Variants in PLD5 observed in about 807,000 individuals in gnomAD.
The protein encoded by PLD5 is phospholipase D family member 5, also known as inactive phospholipase D5.
Under a neutral mutation model 61.1 loss-of-function variants are expected in PLD5, and 36 were observed. The ratio of observed to expected loss-of-function variants is 0.59; its 90% CI spans 0.45 to 0.78. The LOEUF is 0.78. Among genes scored for constraint, PLD5 ranks in the 30% least tolerant of loss-of-function variants. The pLI, the probability that PLD5 is intolerant of heterozygous loss-of-function variation, is 0.00. For synonymous variants in PLD5, 243 were observed against 242.8 expected (o/e 1.00, Z -0.01); for missense variants, 515 against 644.4 (o/e 0.80, Z 2.17).
chr1:242,212,840 G>GCCAC (rs1159557132), intron 5 of PLD5, among the ~76,000 whole-genome samples: 1 of 152,132 alleles, frequency 6.6e-6, no homozygotes, highest in Non-Finnish European at 1.5e-5. Flanking sequence ...TCTGATAATG[G>GCCAC]CCACCGTTAT....
chr1:242,109,778 A>G (rs1428309924), intron 7 of PLD5, among the ~76,000 whole-genome samples: 1 of 151,898 alleles, frequency 6.6e-6, no homozygotes, highest in Non-Finnish European at 1.5e-5. Flanking sequence ...ATCTCCTCCA[A>G]TGGGCTTCTT....
chr1:242,395,384 TAC>T (rs1248699485), intron 1 of PLD5, among the ~76,000 whole-genome samples: 7 of 152,090 alleles, frequency 4.6e-5, no homozygotes, highest in Non-Finnish European at 8.8e-5. Flanking sequence ...ACCTGCTAAC[TAC>T]AGTTTGGCTA....
At position 242,278,095 on chromosome 1, in the gene PLD5, T is replaced by G. The variant is rs1377092602; in HGVS notation, c.495+10267A>C. Among the ~76,000 whole-genome samples the G allele has an allele frequency of 2.0e-5, 3 of 152,268 alleles. No individual in the cohort carries two copies. In the East Asian group the frequency reaches 5.8e-4, roughly 29 times the overall value. On this transcript the variant is annotated intron_variant, in intron 3 of 9. Transcript: ENST00000536534. ...AAAAACTTTTTTTGTTGGCGGCCAT[T>G]TGGAGGATTTGGTTTCTCTCTCATT... is the stretch of plus-strand genomic sequence containing the variant.
chr1:242,167,024 G>A (rs1666349445), intron 5 of PLD5, among the ~76,000 whole-genome samples: 1 of 150,422 alleles, frequency 6.6e-6, no homozygotes, highest in African/African-American at 2.4e-5. Flanking sequence ...CTACTATAAA[G>A]TCATAGTCAC....
Position 242,085,017 on chromosome 1 carries a change from C to A in PLD5, c.*4837G>T, listed in dbSNP as rs368417770. The A allele has an allele frequency of 2.6e-5, 4 of 151,898 alleles. No individual in the cohort carries two copies. Among genetic ancestry groups the A allele is most frequent in the Non-Finnish European group, 4.4e-5 (3 of 67,986 alleles). The allele number at this position is 151,898 out of a possible 1,614,324, so 9.4% of individuals were successfully genotyped here. ...TGAAAAAACTGAGCATCTGGTTATA[C>A]GAAAGGTTTGATAATTTTAATGATT... On this transcript the variant is annotated 3_prime_UTR_variant, in exon 10 of 10. Coordinates refer to ENST00000536534, the MANE Select transcript of PLD5 (RefSeq NM_001372062.1).
intron 3 of PLD5, among the ~76,000 whole-genome samples, chr1:242,281,159 A>G (rs2149127345): frequency 6.6e-6 from 1 of 152,340 alleles, no homozygotes; most frequent in African/African-American, 2.4e-5. Context: ...AGAAAATGTT[A>G]ATAATATCAT....
intron 5 of PLD5, among the ~76,000 whole-genome samples, chr1:242,216,646 C>T (rs113606076): frequency 2.0e-5 from 3 of 152,318 alleles, no homozygotes; most frequent in East Asian, 1.9e-4. Flanking sequence ...TTCAGGGCCA[C>T]GACTCTTTAC....
intron 2 of PLD5, among the ~76,000 whole-genome samples, chr1:242,309,723 A>T (rs952476341): frequency 2.0e-5 from 3 of 149,250 alleles, no homozygotes; most frequent in African/African-American, 7.4e-5. Context: ...TCTCCTTCCA[A>T]TTCTCTCCTG....
chr1:242,093,336 T>C (rs1659983725), intron 9 of PLD5, among the ~76,000 whole-genome samples: 1 of 152,216 alleles, frequency 6.6e-6, no homozygotes, highest in Admixed American at 6.5e-5. Context: ...ATTCATTCCG[T>C]AAGCAAAAGG....
intron 2 of PLD5, among the ~76,000 whole-genome samples, chr1:242,295,290 T>A (rs1389399789): frequency 1.3e-5 from 2 of 152,090 alleles, no homozygotes; most frequent in Admixed American, 1.3e-4. Flanking sequence ...CCTCTTCTCC[T>A]CTCCTCCCTT....
intron 5 of PLD5, among the ~76,000 whole-genome samples, chr1:242,188,017 G>A (rs1668014355): frequency 6.6e-6 from 1 of 152,098 alleles, no homozygotes; most frequent in African/African-American, 2.4e-5. Flanking sequence ...TGTGTGTGGA[G>A]TTCATGATTA....
At chr1:242,377,600 G>A (rs1313945782) in intron 1 of PLD5, among the ~76,000 whole-genome samples, 1 of 151,930 alleles carries the variant, frequency 6.6e-6, no homozygotes, top group Non-Finnish European at 1.5e-5. Flanking sequence ...ACCTCACATA[G>A]GAAGGTTGAT....
At chr1:242,349,158 T>G (rs189989552) in intron 1 of PLD5, among the ~76,000 whole-genome samples, 8 of 151,356 alleles carry the variant, frequency 5.3e-5, no homozygotes, top group African/African-American at 1.2e-4. Flanking sequence ...AGGTCATAGG[T>G]GGAGTCAAAG....
intron 1 of PLD5, among the ~76,000 whole-genome samples, chr1:242,489,698 G>A (rs1668078156): frequency 6.6e-6 from 1 of 152,108 alleles, no homozygotes; most frequent in Admixed American, 6.5e-5. Flanking sequence ...GGAAAGGGAG[G>A]GACATGGGTG....
At chr1:242,501,268 T>C (rs1668545608) in intron 1 of PLD5, among the ~76,000 whole-genome samples, 1 of 152,202 alleles carries the variant, frequency 6.6e-6, no homozygotes, top group Non-Finnish European at 1.5e-5. Context: ...ACCTCCTAAA[T>C]TCTCTCTCAT....
intron 7 of PLD5, 107 bp downstream of exon 7, chr1:242,113,783 G>T: frequency 7.3e-7 from 1 of 1,370,016 alleles, no homozygotes; most frequent in South Asian, 1.5e-5. Flanking sequence ...CTCTTCCTAA[G>T]GCAACCTGAT....
chr1:242,415,255 T>C (rs556488782), intron 1 of PLD5, among the ~76,000 whole-genome samples: 1 of 152,184 alleles, frequency 6.6e-6, no homozygotes, highest in South Asian at 2.1e-4. Context: ...TCTATAAAAA[T>C]TGATGCCCAA....
At chr1:242,291,698 C>T (rs1369169377) in intron 2 of PLD5, among the ~76,000 whole-genome samples, 6 of 151,830 alleles carry the variant, frequency 4.0e-5, no homozygotes, top group African/African-American at 9.7e-5. Flanking sequence ...CCCAGCTACT[C>T]GGGAGGCTGA....
At chr1:242,505,812 G>A (rs560698289) in intron 1 of PLD5, among the ~76,000 whole-genome samples, 8 of 152,318 alleles carry the variant, frequency 5.3e-5, no homozygotes, top group South Asian at 2.1e-4. Flanking sequence ...AGACCAACCA[G>A]CCTGCTGGGG....
Sources: allele counts gnomAD v4.1 joint callset (sites outside exome capture counted in the v4.1 genomes callset), GRCh38; gene constraint gnomAD v4.1.1; transcripts MANE v1.5; gene names NCBI Gene and HGNC (gene_info 2026-07-23, HGNC 2026-07-21).